Variants in ADAMTSL1 observed in about 807,000 individuals in gnomAD.
ADAMTSL1 encodes the protein ADAMTS-like protein 1.
In ADAMTSL1, 126 loss-of-function variants were observed where a neutral mutation model predicts 201.8. The observed-to-expected ratio is 0.62, with a 90% CI of 0.54 to 0.72. ADAMTSL1 has a LOEUF of 0.72. ADAMTSL1 is among the 30% of genes least tolerant of loss of function. The pLI, the probability that ADAMTSL1 is intolerant of heterozygous loss-of-function variation, is 0.00. For missense variants in ADAMTSL1, 2,679 were observed against 2,277.8 expected (o/e 1.18, Z -3.59); for synonymous variants, 1,121 against 903.4 (o/e 1.24, Z -4.32).
In ADAMTSL1 at chr9:18,410,613, T is replaced by C. The variant is rs185810594; in HGVS notation, c.208-94216T>C. ...GTGCATATATACCACATTTTCTTTA[T>C]TCTATCATTGATGGGCATTCAGGTT... On this transcript the variant is annotated intron_variant, in intron 2 of 29. Coordinates refer to the ADAMTSL1 transcript ENST00000680146. 2.4e-3 allele frequency among the ~76,000 whole-genome samples: 361 copies of C among 152,326 alleles called. 14 individuals carry two copies. Among genetic ancestry groups the C allele is most frequent in the Admixed American group, 0.024 (360 of 15,302 alleles).
Position 18,706,826 on chromosome 9 carries a change from C to T in ADAMTSL1, c.1654C>T (p.Leu552Phe). The stretch of plus-strand genomic sequence containing the variant: ...GGTGCGAATAGTCAGGTGCCAGGTG[C>T]TCCTGTCTTTCTCTCAGTCCGTGGC... ...TQVRIVRCQV[L>F]LSFSQSVADL... The change falls in exon 14 of 29, where the codon CTC (leucine) becomes TTC (phenylalanine). Residue 552 changes from leucine (L) to phenylalanine (F), a missense_variant. By Grantham distance (22) the Leu-to-Phe change is conservative. Transcript: ENST00000380548. 1 of 1,611,546 alleles carries T rather than the reference C, an allele frequency of 6.2e-7. No individual in the cohort carries two copies. Among genetic ancestry groups the T allele is most frequent in the South Asian group, 1.1e-5 (1 of 90,542 alleles).
intron 15 of ADAMTSL1, among the ~76,000 whole-genome samples, chr9:18,745,032 T>C (rs760700340): frequency 3.4e-4 from 52 of 152,222 alleles, no homozygotes; most frequent in Admixed American, 6.5e-4. Flanking sequence ...TATCACTTGG[T>C]TAAGATGATG....
At chr9:17,971,728 T>C (rs1818212717) in intron 1 of ADAMTSL1, among the ~76,000 whole-genome samples, 1 of 152,018 alleles carries the variant, frequency 6.6e-6, no homozygotes, top group Admixed American at 6.6e-5. Flanking sequence ...TGGTAGTTCT[T>C]CTGCCTGTAC....
intron 1 of ADAMTSL1, among the ~76,000 whole-genome samples, chr9:17,924,933 GA>G (rs1490305249): frequency 8.0e-6 from 1 of 124,310 alleles, no homozygotes; most frequent in Non-Finnish European, 1.7e-5. Context: ...CAAAATGGGA[GA>G]AAATTTTCGC....
chr9:18,260,288 A>G (rs1831865272), intron 2 of ADAMTSL1, among the ~76,000 whole-genome samples: 1 of 152,234 alleles, frequency 6.6e-6, no homozygotes. Flanking sequence ...TGCTTCCAGT[A>G]CCAAATCATT....
intron 2 of ADAMTSL1, among the ~76,000 whole-genome samples, chr9:18,206,662 T>G (rs1452350037): frequency 6.6e-6 from 1 of 152,130 alleles, no homozygotes; most frequent in Admixed American, 6.6e-5. Context: ...TTATCCTTTC[T>G]CTATCTTTTA....
chr9:18,778,515 G>A (rs1354897201), intron 19 of ADAMTSL1, among the ~76,000 whole-genome samples: 1 of 152,186 alleles, frequency 6.6e-6, no homozygotes, highest in Non-Finnish European at 1.5e-5. Context: ...TCACTTCCTT[G>A]TCTCTCTGGG....
chr9:18,537,399 C>T (rs1819840333), intron 3 of ADAMTSL1, among the ~76,000 whole-genome samples: 1 of 152,136 alleles, frequency 6.6e-6, no homozygotes, highest in Non-Finnish European at 1.5e-5. Context: ...AGTGCAAAGG[C>T]TGTGAAGTAC....
chr9:18,310,399 A>AAAAAAAAAAAAAAAAAAAAAAC lies in ADAMTSL1; in HGVS notation c.207+146418_207+146419insAAAAAAAAAAAAAAAAAAAAAC, dbSNP rs1440483712. Among the ~76,000 whole-genome samples the AAAAAAAAAAAAAAAAAAAAAAC allele has an allele frequency of 1.8e-4, 23 of 127,318 alleles. 2 individuals are homozygous for AAAAAAAAAAAAAAAAAAAAAAC. The highest frequency in any genetic ancestry group is 4.1e-4 in the Admixed American group (5 of 12,186). The allele number at this position is 127,318 out of a possible 152,430, so 83.5% of individuals were successfully genotyped here. On this transcript the variant is annotated intron_variant, in intron 2 of 29. Coordinates refer to the ADAMTSL1 transcript ENST00000680146. ...AAAAAAAAAAAAAAAAAAAAAAAAAACTATCTTCAGAGTGAACAGGCAACC... is the reference window on the plus strand; with the variant it reads ...AAAAAAAAAAAAAAAAAAAAAAAAAAAAAAAAAAAAAAAAAAAAAAACCTATCTTCAGAGTGAACAGGCAACC...
rs1176555979 is a variant in ADAMTSL1, at chr9:18,887,827, C to G, written c.4250-4C>G. 1.9e-6 allele frequency: 3 copies of G among 1,612,862 alleles called. No individual in the cohort carries two copies. The highest frequency in any genetic ancestry group is 2.5e-6 in the Non-Finnish European group (3 of 1,179,260). ...AAGGCTTACTTCTTTTCCTCTCCTT[C>G]TAGGCTGCCCCATCAAAGGTCACCC... On this transcript the variant is annotated splice_polypyrimidine_tract_variant and splice_region_variant and intron_variant, in intron 23 of 28. Transcript: ENST00000380548.
intron 2 of ADAMTSL1, among the ~76,000 whole-genome samples, chr9:18,349,696 A>G (rs997174172): frequency 2.6e-5 from 4 of 152,022 alleles, no homozygotes; most frequent in Non-Finnish European, 2.9e-5. Flanking sequence ...ACCCATTTCC[A>G]TCGGGCTGGA....
intron 15 of ADAMTSL1, among the ~76,000 whole-genome samples, chr9:18,742,425 A>C (rs1367858848): frequency 1.3e-5 from 2 of 152,174 alleles, no homozygotes; most frequent in African/African-American, 4.8e-5. Context: ...AGGGGGAAAA[A>C]AACATTTAAG....
rs773842397 is a variant in ADAMTSL1 at position 18,770,790 on chromosome 9, G to A, written c.2397+9G>A. ...TCTCAGACTGGACAGAGGTATGTAT[G>A]TTCCTCCGAAGAGAATGAAAGAGAT... On this transcript the variant is annotated intron_variant, in intron 17 of 28. Coordinates refer to ENST00000380548, the MANE Select transcript of ADAMTSL1 (RefSeq NM_001040272.6). 5 of 1,612,446 alleles carry A rather than the reference G, an allele frequency of 3.1e-6. No homozygotes were observed. The highest frequency in any genetic ancestry group is 1.3e-5 in the African/African-American group (1 of 74,878).
chr9:18,056,538 C>T (rs1009568847), intron 1 of ADAMTSL1, among the ~76,000 whole-genome samples: 28 of 152,182 alleles, frequency 1.8e-4, no homozygotes, highest in African/African-American at 6.0e-4. Context: ...ATAAACAACA[C>T]ATAGGGAGAC....
intron 2 of ADAMTSL1, among the ~76,000 whole-genome samples, chr9:18,464,209 C>A (rs1464356347): frequency 6.6e-6 from 1 of 152,180 alleles, no homozygotes; most frequent in East Asian, 1.9e-4. Context: ...AATTTCTGAG[C>A]CAGAGCCTCA....
chr9:18,080,881 C>A (rs77701518), intron 1 of ADAMTSL1, among the ~76,000 whole-genome samples: 2,267 of 152,102 alleles, frequency 0.015, 65 homozygotes, highest in African/African-American at 0.052. Flanking sequence ...TAGAAAAAGC[C>A]TCTCATTATT....
At chr9:17,955,752 G>T (rs1588473734) in intron 1 of ADAMTSL1, among the ~76,000 whole-genome samples, 2 of 152,090 alleles carry the variant, frequency 1.3e-5, no homozygotes, top group East Asian at 3.9e-4. Context: ...TATTATAGTT[G>T]TTAATCTCTT....
At chr9:18,902,216 C>G (rs191252653) in intron 26 of ADAMTSL1, among the ~76,000 whole-genome samples, 66 of 152,234 alleles carry the variant, frequency 4.3e-4, no homozygotes, top group Admixed American at 7.8e-4. Flanking sequence ...AACAAAAGAT[C>G]AGTAAAGAAA....
intron 2 of ADAMTSL1, among the ~76,000 whole-genome samples, chr9:18,403,760 T>C (rs1394170779): frequency 6.6e-6 from 1 of 152,198 alleles, no homozygotes; most frequent in Non-Finnish European, 1.5e-5. Context: ...CTGACTGGCA[T>C]GATCTTGTCC....
Sources: gnomAD v4.1 joint callset for allele counts (sites outside exome capture counted in the v4.1 genomes callset) on GRCh38, gnomAD v4.1.1 for gene constraint, MANE v1.5 for transcripts, NCBI Gene and HGNC (gene_info 2026-07-23, HGNC 2026-07-21) for gene names.